FGGY: variants seen among roughly 807,000 people sequenced by gnomAD.
The protein encoded by FGGY is FGGY carbohydrate kinase domain-containing protein.
Under a neutral mutation model 71.3 loss-of-function variants are expected in FGGY, and 72 were observed. That is an observed-to-expected ratio of 1.01 (90% CI 0.84 to 1.23). FGGY has a LOEUF of 1.23. Ranked by LOEUF, FGGY falls within the 50% of genes most tolerant of loss-of-function variation. The probability of loss-of-function intolerance (pLI) is 0.00; values close to 1 mark genes in which losing one functional copy is unlikely to be tolerated. For missense variants in FGGY, 668 were observed against 682.3 expected, an observed-to-expected ratio of 0.98 and a Z score of 0.23; for synonymous variants, 251 against 250.3, an observed-to-expected ratio of 1.00 and a Z score of -0.02.
Position 59,331,051 on chromosome 1 carries a change from C to T in FGGY, c.202-8907C>T, listed in dbSNP as rs1012445603. ...CAGGATATGTTCTCTGTGTCTGGCA[C>T]ATATAGGTGCTTAATATTTTTAATA... On this transcript the variant is annotated intron_variant, in intron 2 of 15. Transcript: ENST00000303721. Among the ~76,000 whole-genome samples the T allele has an allele frequency of 2.6e-5, 4 of 151,886 alleles. No homozygotes were observed. The South Asian group carries it at 8.3e-4, about 32-fold the overall frequency.
At chr1:59,562,151 T>C (rs1052671225) in intron 8 of FGGY, among the ~76,000 whole-genome samples, 3 of 152,206 alleles carry the variant, frequency 2.0e-5, no homozygotes, top group Non-Finnish European at 4.4e-5. Flanking sequence ...TACAAAAGCA[T>C]GTATTCATAC....
At chr1:59,563,859 C>T (rs781152087) in intron 8 of FGGY, among the ~76,000 whole-genome samples, 5 of 152,172 alleles carry the variant, frequency 3.3e-5, no homozygotes, top group Non-Finnish European at 5.9e-5. Flanking sequence ...ACCCATGGAA[C>T]AGAAGAGAGG....
intron 8 of FGGY, among the ~76,000 whole-genome samples, chr1:59,575,266 C>T (rs1037974798): frequency 3.9e-5 from 6 of 152,250 alleles, no homozygotes; most frequent in African/African-American, 1.4e-4. Flanking sequence ...CTGCTTTACC[C>T]CTTGGCAACC....
At chr1:59,750,893 T>A (rs1490210374) in intron 14 of FGGY, among the ~76,000 whole-genome samples, 2 of 144,266 alleles carry the variant, frequency 1.4e-5, no homozygotes, top group African/African-American at 5.0e-5. Flanking sequence ...TTTAGAGCTA[T>A]GTGTCAGCAT....
At chr1:59,472,814 C>A (rs957553219) in intron 6 of FGGY, among the ~76,000 whole-genome samples, 1 of 151,966 alleles carries the variant, frequency 6.6e-6, no homozygotes, top group Non-Finnish European at 1.5e-5. Flanking sequence ...TGTAAATACA[C>A]CAATCGGCTC....
intron 14 of FGGY, among the ~76,000 whole-genome samples, chr1:59,725,868 G>T (rs2097941414): frequency 6.6e-6 from 1 of 151,904 alleles, no homozygotes; most frequent in African/African-American, 2.4e-5. Context: ...TGAGAATAAA[G>T]ACAGTTTTCT....
At chr1:59,512,795 A>C (rs1315267854) in intron 7 of FGGY, among the ~76,000 whole-genome samples, 1 of 152,214 alleles carries the variant, frequency 6.6e-6, no homozygotes, top group Admixed American at 6.5e-5. Flanking sequence ...AACCCTTATA[A>C]GTCTCTTAGA....
rs754831417 is a variant in FGGY, at chr1:59,542,445, C to CTTTTTTTTTTTTTT, written c.800-11661_800-11648dup. 8.8e-5 allele frequency among the ~76,000 whole-genome samples: 3 copies of CTTTTTTTTTTTTTT among 34,246 alleles called. 1 individual carries two copies. The highest frequency in any genetic ancestry group is 1.7e-4 in the Non-Finnish European group (3 of 17,784). 22.5% of individuals were successfully genotyped at this position (34,246 alleles called of 152,430 possible). A position where few individuals can be genotyped will look rare whatever the true frequency, so the allele number is the denominator to read the frequency against. On this transcript the variant is annotated intron_variant, in intron 7 of 15. Transcript: ENST00000303721. ...GCCAAGACTATATGTATGTTCTTTA[C>CTTTTTTTTTTTTTT]TTTTTTTTTTTTTTTTTTTTTTTTT...
At chr1:59,317,636 G>A (rs835403) in intron 1 of FGGY, among the ~76,000 whole-genome samples, 61,516 of 151,996 alleles carry the variant, frequency 0.4, 12,952 homozygotes, top group African/African-American at 0.51. Flanking sequence ...GATGCAGAAA[G>A]TCCTTTGCTG....
chr1:59,399,222 T>C (rs775842609), intron 5 of FGGY, among the ~76,000 whole-genome samples: 11 of 152,232 alleles, frequency 7.2e-5, no homozygotes, highest in Non-Finnish European at 1.6e-4. Flanking sequence ...GCATCGGTTT[T>C]AGAATCAGTC....
At chr1:59,742,160 A>T (rs888676397) in intron 14 of FGGY, among the ~76,000 whole-genome samples, 1 of 152,166 alleles carries the variant, frequency 6.6e-6, no homozygotes, top group East Asian at 1.9e-4. Flanking sequence ...GTTGCCTCTC[A>T]TGGTCAAGGA....
intron 8 of FGGY, among the ~76,000 whole-genome samples, chr1:59,591,699 T>C (rs1351609364): frequency 6.6e-6 from 1 of 152,200 alleles, no homozygotes; most frequent in African/African-American, 2.4e-5. Context: ...AAGGATTCCC[T>C]ATTTAATAAA....
chr1:59,370,817 G>A (rs1470127958), intron 4 of FGGY, among the ~76,000 whole-genome samples: 1 of 151,572 alleles, frequency 6.6e-6, no homozygotes, highest in Non-Finnish European at 1.5e-5. Flanking sequence ...AGCTTCATAA[G>A]TGAAGGAGAA....
intron 11 of FGGY, among the ~76,000 whole-genome samples, chr1:59,642,227 C>T (rs1219417451): frequency 6.6e-6 from 1 of 152,190 alleles, no homozygotes; most frequent in Non-Finnish European, 1.5e-5. Flanking sequence ...TGCTGATCTA[C>T]CTCAGTCCAA....
intron 8 of FGGY, among the ~76,000 whole-genome samples, chr1:59,572,653 T>C (rs1033345852): frequency 3.3e-5 from 5 of 152,114 alleles, no homozygotes; most frequent in African/African-American, 1.2e-4. Context: ...TCTCAGATTA[T>C]GGTGGGGGAG....
rs564415810 is a variant in FGGY, at chr1:59,449,621, G to A, written c.555-7340G>A. ...TTTGCATCTTTTTACTCTTTATCTTGCATTTTTATATTGAAAATAAGTATT... is the reference window on the plus strand; with the variant it reads ...TTTGCATCTTTTTACTCTTTATCTTACATTTTTATATTGAAAATAAGTATT... On this transcript the variant is annotated intron_variant, in intron 5 of 15. Transcript: ENST00000303721. Among the ~76,000 whole-genome samples the A allele has an allele frequency of 9.6e-4, 146 of 152,138 alleles. 1 individual carries two copies. In the South Asian group the frequency reaches 0.012, roughly 13 times the overall value.
intron 14 of FGGY, among the ~76,000 whole-genome samples, chr1:59,716,641 C>T (rs1355029689): frequency 1.3e-5 from 2 of 152,146 alleles, no homozygotes. Context: ...AATACTGAGA[C>T]AACAGCAGGC....
At chr1:59,672,528 G>A (rs1003105499) in intron 13 of FGGY, among the ~76,000 whole-genome samples, 3 of 152,190 alleles carry the variant, frequency 2.0e-5, no homozygotes, top group African/African-American at 7.2e-5. Flanking sequence ...ATAAACTCAG[G>A]TCTGAGCTTC....
chr1:59,476,390 T>C (rs2093267617), intron 6 of FGGY, among the ~76,000 whole-genome samples: 2 of 152,076 alleles, frequency 1.3e-5, no homozygotes, highest in South Asian at 4.2e-4. Context: ...AAAGGAGAGG[T>C]TAAGTAAGTT....
Sources: gnomAD v4.1 joint callset for allele counts (sites outside exome capture counted in the v4.1 genomes callset) on GRCh38, gnomAD v4.1.1 for gene constraint, MANE v1.5 for transcripts, NCBI Gene and HGNC (gene_info 2026-07-23, HGNC 2026-07-21) for gene names.